The following CHN1 variants were observed in gnomAD, a reference collection of about 807,000 sequenced individuals.
CHN1 encodes the protein chimerin 1.
A neutral mutation model predicts 59.5 loss-of-function variants in CHN1; 37 were observed. The observed-to-expected ratio is 0.62, with a 90% CI of 0.48 to 0.82. The LOEUF is 0.82. Among genes scored for constraint, CHN1 ranks in the 40% least tolerant of loss-of-function variants. The pLI, the probability that CHN1 is intolerant of heterozygous loss-of-function variation, is 0.00. For synonymous variants in CHN1, 206 were observed against 200.4 expected (o/e 1.03, Z -0.24); for missense variants, 469 against 571.0 (o/e 0.82, Z 1.82).
chr2:174,944,641 AAAG>A (rs1341546644), intron 3 of CHN1, among the ~76,000 whole-genome samples: 1 of 152,228 alleles, frequency 6.6e-6, no homozygotes, highest in African/African-American at 2.4e-5. Flanking sequence ...AATTAACTGA[AAAG>A]AATACGAACA....
intron 3 of CHN1, among the ~76,000 whole-genome samples, chr2:174,936,736 G>A (rs1203384035): frequency 6.6e-6 from 1 of 152,068 alleles, no homozygotes; most frequent in African/African-American, 2.4e-5. Context: ...ATTTCCAGGG[G>A]TAATTCTGAC....
At chr2:174,824,388 T>A in intron 8 of CHN1, 46 bp downstream of exon 8, 1 of 1,449,114 alleles carries the variant, frequency 6.9e-7, no homozygotes. Context: ...TCACCTCTTA[T>A]AACTTCACAA....
chr2:174,878,054 G>T lies in CHN1; in HGVS notation c.335C>A (p.Ser112Tyr). 2 of 1,613,496 alleles carry T rather than the reference G, an allele frequency of 1.2e-6. No homozygotes were observed. Among genetic ancestry groups the T allele is most frequent in the South Asian group, 1.1e-5 (1 of 90,978 alleles). Residue 112 changes from serine to tyrosine, a missense_variant, in exon 6 of 13, where the codon TCC becomes TAC. Coordinates refer to ENST00000409900, the MANE Select transcript of CHN1 (RefSeq NM_001822.7). ...KHFVGEKRFESIHDLVTDGLI... is the reference protein window; with the variant it reads ...KHFVGEKRFEYIHDLVTDGLI... Reference sequence around the variant, plus strand: ...GCCATCAGTCACCAGATCGTGGATGGACTCAAAGCGTTTCTCCCCAACAAA... The same window carrying T: ...GCCATCAGTCACCAGATCGTGGATGTACTCAAAGCGTTTCTCCCCAACAAA...
intron 3 of CHN1, among the ~76,000 whole-genome samples, chr2:174,921,422 T>C (rs933568261): frequency 5.3e-5 from 8 of 152,190 alleles, no homozygotes; most frequent in African/African-American, 7.2e-5. Context: ...GTAAGAGTTT[T>C]TGGAGTTTTC....
At chr2:175,002,219 C>T (rs1002878832) in intron 1 of CHN1, among the ~76,000 whole-genome samples, 1 of 152,154 alleles carries the variant, frequency 6.6e-6, no homozygotes, top group Non-Finnish European at 1.5e-5. Flanking sequence ...GATGTGAGTT[C>T]ATTTGAAAGG....
intron 6 of CHN1, among the ~76,000 whole-genome samples, chr2:174,852,941 T>C (rs1429316051): frequency 2.0e-5 from 3 of 152,298 alleles, no homozygotes; most frequent in African/African-American, 7.2e-5. Context: ...TTTCACCATA[T>C]ACAAAACTTA....
intron 7 of CHN1, among the ~76,000 whole-genome samples, chr2:174,841,600 A>G (rs1324755166): frequency 1.3e-5 from 2 of 152,162 alleles, no homozygotes; most frequent in African/African-American, 4.8e-5. Context: ...GAACTGGGGA[A>G]AGAGTGTGTG....
chr2:174,922,699 T>C (rs1185947551), intron 3 of CHN1, among the ~76,000 whole-genome samples: 1 of 152,062 alleles, frequency 6.6e-6, no homozygotes, highest in Non-Finnish European at 1.5e-5. Context: ...CATTCATTTA[T>C]TCATTCATTC....
chr2:174,924,324 A>G (rs1689106301), intron 3 of CHN1, among the ~76,000 whole-genome samples: 1 of 152,176 alleles, frequency 6.6e-6, no homozygotes, highest in African/African-American at 2.4e-5. Flanking sequence ...TATTTATCAC[A>G]TATTTCCTTC....
At chr2:174,953,256 C>T (rs1176282528) in intron 1 of CHN1, among the ~76,000 whole-genome samples, 1 of 152,054 alleles carries the variant, frequency 6.6e-6, no homozygotes, top group Non-Finnish European at 1.5e-5. Context: ...ATTCAGCCTC[C>T]AATCTGCAAC....
chr2:174,919,433 A>C (rs2105374772), intron 3 of CHN1, among the ~76,000 whole-genome samples: 1 of 136,028 alleles, frequency 7.4e-6, no homozygotes, highest in East Asian at 2.1e-4. Context: ...TCATAGGAAC[A>C]GCAAAAAAGC....
At chr2:174,930,182 T>C (rs1689292949) in intron 3 of CHN1, among the ~76,000 whole-genome samples, 1 of 152,214 alleles carries the variant, frequency 6.6e-6, no homozygotes, top group African/African-American at 2.4e-5. Flanking sequence ...TCTCCCAAGA[T>C]AGCCACTTTC....
At chr2:174,850,497 C>G (rs972736355) in intron 6 of CHN1, among the ~76,000 whole-genome samples, 6 of 152,114 alleles carry the variant, frequency 3.9e-5, no homozygotes, top group Non-Finnish European at 8.8e-5. Context: ...ACCTGTCTCA[C>G]AGGTTACTGG....
At position 174,997,493 on chromosome 2, in the gene CHN1, T is replaced by C. The variant is rs552704987; in HGVS notation, c.19+7401A>G. On this transcript the variant is annotated intron_variant, in intron 1 of 12. Coordinates refer to ENST00000409900, the MANE Select transcript of CHN1 (RefSeq NM_001822.7). ...AGAATGTACTTATCTATGCTCAGCA[T>C]GTAATTCCTCATAGGTAACATGCTA... Among the ~76,000 whole-genome samples the C allele has an allele frequency of 5.9e-5, 9 of 152,334 alleles. No homozygotes were observed. In the South Asian group the frequency reaches 1.9e-3, roughly 32 times the overall value.
intron 8 of CHN1, among the ~76,000 whole-genome samples, chr2:174,821,050 T>C (rs964050487): frequency 1.3e-5 from 2 of 152,224 alleles, no homozygotes; most frequent in African/African-American, 2.4e-5. Flanking sequence ...ATACCTTTAG[T>C]GTTTAGTGGT....
intron 5 of CHN1, among the ~76,000 whole-genome samples, chr2:174,883,041 T>C (rs1364475077): frequency 6.6e-6 from 1 of 152,204 alleles, no homozygotes; most frequent in African/African-American, 2.4e-5. Context: ...CATAATGATA[T>C]TTCCTTGGCC....
chr2:174,864,138 TTTTC>T (rs1333549891), intron 6 of CHN1, among the ~76,000 whole-genome samples: 1 of 152,120 alleles, frequency 6.6e-6, no homozygotes, highest in Non-Finnish European at 1.5e-5. Context: ...TCTGTTTTCT[TTTTC>T]TTTTTTTTAA....
chr2:174,889,905 G>A (rs533331900), intron 5 of CHN1, among the ~76,000 whole-genome samples: 41 of 151,322 alleles, frequency 2.7e-4, no homozygotes, highest in Admixed American at 6.6e-4. Context: ...GTGTGTGCAC[G>A]CGTGTGTGTA....
At chr2:174,954,116 T>C (rs1367938520) in intron 1 of CHN1, among the ~76,000 whole-genome samples, 1 of 152,118 alleles carries the variant, frequency 6.6e-6, no homozygotes, top group African/African-American at 2.4e-5. Context: ...TGAAACAGAA[T>C]AGAGAATCCA....
Sources: gnomAD v4.1 joint callset for allele counts (sites outside exome capture counted in the v4.1 genomes callset) on GRCh38, gnomAD v4.1.1 for gene constraint, MANE v1.5 for transcripts, NCBI Gene and HGNC (gene_info 2026-07-23, HGNC 2026-07-21) for gene names.